ATP7B: variants seen among roughly 807,000 people sequenced by gnomAD.
The protein encoded by ATP7B is ATPase copper transporting beta.
A neutral mutation model predicts 118.9 loss-of-function variants in ATP7B; 113 were observed. The observed-to-expected ratio is 0.95, with a 90% CI of 0.82 to 1.11. The LOEUF (loss-of-function observed/expected upper bound fraction) is 1.11. Among genes scored for constraint, ATP7B ranks in the 50% most tolerant of loss-of-function variants. The probability of loss-of-function intolerance (pLI) is 0.00; values close to 1 mark genes in which losing one functional copy is unlikely to be tolerated. For synonymous variants in ATP7B, 777 were observed against 727.4 expected, an observed-to-expected ratio of 1.07 and a Z score of -1.10; for missense variants, 1,867 against 1,871.4, an observed-to-expected ratio of 1.00 and a Z score of 0.04.
intron 1 of ATP7B, among the ~76,000 whole-genome samples, chr13:51,979,643 G>A: frequency 6.6e-6 from 1 of 152,026 alleles, no homozygotes; most frequent in Middle Eastern, 3.2e-3. Flanking sequence ...TACCTTATTA[G>A]GCAAAAACCT....
chr13:51,938,026 C>T (rs933852079), intron 17 of ATP7B, among the ~76,000 whole-genome samples: 9 of 152,190 alleles, frequency 5.9e-5, no homozygotes, highest in Non-Finnish European at 1.3e-4. Context: ...GCTTCACATC[C>T]AGTAGACCCC....
chr13:51,948,224 ATTTT>A (rs891542370), intron 12 of ATP7B, among the ~76,000 whole-genome samples: 12 of 152,068 alleles, frequency 7.9e-5, no homozygotes. Context: ...TATGTGAAGG[ATTTT>A]TTTTAAAAGA....
intron 1 of ATP7B, among the ~76,000 whole-genome samples, chr13:51,996,077 C>T (rs868468315): frequency 1.3e-5 from 2 of 152,222 alleles, no homozygotes; most frequent in South Asian, 4.1e-4. Flanking sequence ...CCAATGTTGG[C>T]AGCGTGCAGA....
At chr13:51,938,821 CTTT>C (rs1156851828) in intron 17 of ATP7B, among the ~76,000 whole-genome samples, 1 of 152,176 alleles carries the variant, frequency 6.6e-6, no homozygotes, top group Non-Finnish European at 1.5e-5. Context: ...CCTGGAACTC[CTTT>C]TTTTCCAGGA....
chr13:51,947,536 G>T (rs2139101203), intron 12 of ATP7B, among the ~76,000 whole-genome samples: 1 of 152,260 alleles, frequency 6.6e-6, no homozygotes, highest in East Asian at 1.9e-4. Flanking sequence ...CTAAGGTAAG[G>T]CTATGGACCA....
intron 9 of ATP7B, among the ~76,000 whole-genome samples, chr13:51,956,422 G>A (rs182796994): frequency 1.1e-3 from 167 of 152,342 alleles, no homozygotes; most frequent in Admixed American, 4.0e-3. Flanking sequence ...AAGGCACAAC[G>A]CCTCTGAAAA....
intron 4 of ATP7B, 55 bp from the exon 5 acceptor site, chr13:51,965,088 A>G: frequency 6.2e-7 from 1 of 1,609,342 alleles, no homozygotes; most frequent in African/African-American, 1.3e-5. Flanking sequence ...AAAGCCTGTG[A>G]AAGCCAGTCC....
Position 51,970,746 on chromosome 13 carries a change from C to G in ATP7B, c.1289G>C (p.Ser430Thr). 1 of 1,613,666 alleles carries G rather than the reference C, an allele frequency of 6.2e-7. No individual in the cohort carries two copies. Among genetic ancestry groups the G allele is most frequent in the Non-Finnish European group, 8.5e-7 (1 of 1,179,612 alleles). The part of the protein sequence containing the change: ...MGFEASVVSE[S>T]CSTNPLGNHS... ...GTTTCCAAGAGGGTTAGTAGAACAGCTTTCTAGGATAAAATGTCAGAAAAT... is the reference window on the plus strand; with the variant it reads ...GTTTCCAAGAGGGTTAGTAGAACAGGTTTCTAGGATAAAATGTCAGAAAAT... Residue 430 changes from serine (S) to threonine (T), a missense_variant, in exon 3 of 21, where the codon AGC (serine) becomes ACC (threonine). Coordinates refer to ENST00000242839, the MANE Select transcript of ATP7B (RefSeq NM_000053.4).
In ATP7B at chr13:51,974,742, A is replaced by G. The variant is rs1305528494; in HGVS notation, c.478T>C (p.Ser160Pro). ...EGMTCQSCVS[S>P]IEGKVRKLQG... Reference sequence around the variant, plus strand: ...AGTTTCCGGACCTTGCCTTCAATGGAGCTGACACAGGACTGGCAGGTCATG... The same window carrying G: ...AGTTTCCGGACCTTGCCTTCAATGGGGCTGACACAGGACTGGCAGGTCATG... Residue 160 changes from serine (S) to proline (P), a missense_variant, in exon 2 of 21, where the codon TCC becomes CCC. By Grantham distance (74) the Ser-to-Pro change is moderately conservative (BLOSUM62 -1). Transcript: ENST00000242839. The G allele has an allele frequency of 6.2e-7, 1 of 1,614,032 alleles. No individual in the cohort carries two copies. Among genetic ancestry groups the G allele is most frequent in the South Asian group, 1.1e-5 (1 of 91,078 alleles).
intron 1 of ATP7B, chr13:51,995,268 G>T: frequency 2.0e-6 from 2 of 982,476 alleles, no homozygotes; most frequent in Non-Finnish European, 2.4e-6. Flanking sequence ...TTTAAAATGG[G>T]TCCAGGCCCT....
chr13:51,935,120 T>C (rs1053318367), intron 20 of ATP7B, 91 bp from the exon 21 acceptor site: 42 of 1,500,504 alleles, frequency 2.8e-5, no homozygotes, highest in Non-Finnish European at 3.7e-5. Context: ...CATCCATCTT[T>C]TAATAACATT....
chr13:51,946,965 G>C (rs1957705147), intron 12 of ATP7B, among the ~76,000 whole-genome samples: 3 of 152,186 alleles, frequency 2.0e-5, no homozygotes, highest in Non-Finnish European at 2.9e-5. Context: ...GCTTAAAAAT[G>C]CTATTCTAAG....
rs957096547 is a variant in ATP7B at position 51,934,509 on chromosome 13, G to C, written c.*247C>G. 2 of 579,800 alleles carry C rather than the reference G, an allele frequency of 3.4e-6. No individual in the cohort carries two copies. Among genetic ancestry groups the C allele is most frequent in the African/African-American group, 1.9e-5 (1 of 53,658 alleles). 35.9% of individuals were successfully genotyped at this position (579,800 alleles called of 1,614,324 possible). ...CCTTCTACAGTCCAGCCAAGGACTAGAGTCCAAGACAAAGCCCATGCTGAC... is the reference window on the plus strand; with the variant it reads ...CCTTCTACAGTCCAGCCAAGGACTACAGTCCAAGACAAAGCCCATGCTGAC... On this transcript the variant is annotated 3_prime_UTR_variant, in exon 21 of 21. Transcript: ENST00000242839.
chr13:52,008,112 T>C (rs551528149), intron 1 of ATP7B, among the ~76,000 whole-genome samples: 68 of 150,200 alleles, frequency 4.5e-4, no homozygotes, highest in Non-Finnish European at 5.6e-4. Flanking sequence ...GAGGCCGAGG[T>C]GGGCGGATCA....
chr13:51,974,477 GTCT>G lies in ATP7B; in HGVS notation c.740_742del (p.Glu247_Thr248delinsAla). The G allele has an allele frequency of 6.2e-7, 1 of 1,614,076 alleles. No individual in the cohort carries two copies. Among genetic ancestry groups the G allele is most frequent in the Non-Finnish European group, 8.5e-7 (1 of 1,180,018 alleles). ...CACATGGCTTCCTTGGTGCCCCAAG[GTCT>G]CAGAATTATTAAAATTCTGGTTAGC... On this transcript the variant is annotated inframe_deletion, in exon 2 of 21. Transcript: ENST00000242839.
intron 1 of ATP7B, among the ~76,000 whole-genome samples, chr13:51,977,536 T>C (rs1406415874): frequency 6.6e-6 from 1 of 152,192 alleles, no homozygotes; most frequent in Non-Finnish European, 1.5e-5. Context: ...AACAATGCCT[T>C]CTTCTGGATA....
rs531983258 is a variant in ATP7B at position 51,934,606 on chromosome 13, G to A, written c.*150C>T. On this transcript the variant is annotated 3_prime_UTR_variant, in exon 21 of 21. Coordinates refer to ENST00000242839, the MANE Select transcript of ATP7B (RefSeq NM_000053.4). ...AGCCCAGCTGCACCCAGACAAGGCCGCGTGCTGCAGGGCAGGATGACTGGA... is the reference window on the plus strand; with the variant it reads ...AGCCCAGCTGCACCCAGACAAGGCCACGTGCTGCAGGGCAGGATGACTGGA... 52 of 1,301,728 alleles carry A rather than the reference G, an allele frequency of 4.0e-5. No homozygotes were observed. The highest frequency in any genetic ancestry group is 3.5e-4 in the East Asian group (14 of 39,860). 80.6% of individuals were successfully genotyped at this position (1,301,728 alleles called of 1,614,324 possible).
chr13:51,966,647 C>A (rs1951561816), intron 4 of ATP7B: 2 of 980,100 alleles, frequency 2.0e-6, no homozygotes, highest in Non-Finnish European at 3.1e-6. Context: ...ACTATTGATA[C>A]AGCATGGTTT....
At chr13:51,990,905 C>A (rs190952914) in intron 1 of ATP7B, among the ~76,000 whole-genome samples, 1 of 152,144 alleles carries the variant, frequency 6.6e-6, no homozygotes, top group South Asian at 2.1e-4. Flanking sequence ...CTGGACAACA[C>A]GGTGAAACCT....
Sources: gnomAD v4.1 joint callset for allele counts (sites outside exome capture counted in the v4.1 genomes callset) on GRCh38, gnomAD v4.1.1 for gene constraint, MANE v1.5 for transcripts, NCBI Gene and HGNC (gene_info 2026-07-23, HGNC 2026-07-21) for gene names.